The following DLGAP2 variants were observed in gnomAD, a reference collection of about 807,000 sequenced individuals.
DLGAP2 encodes disks large-associated protein 2.
A neutral mutation model predicts 100.3 loss-of-function variants in DLGAP2; 26 were observed. That is an observed-to-expected ratio of 0.26 (90% CI 0.19 to 0.36). DLGAP2 has a LOEUF of 0.36. DLGAP2 is among the 10% of genes least tolerant of loss of function. The pLI, the probability that DLGAP2 is intolerant of heterozygous loss-of-function variation, is 1.00. For synonymous variants in DLGAP2, 886 were observed against 630.1 expected (o/e 1.41, Z -6.08); for missense variants, 1,858 against 1,453.2 (o/e 1.28, Z -4.53).
At chr8:1,501,287 G>C in intron 3 of DLGAP2, 79 bp from the exon 4 acceptor site, 1 of 1,409,712 alleles carries the variant, frequency 7.1e-7, no homozygotes, top group Non-Finnish European at 9.7e-7. Context: ...GAGTGTGGAG[G>C]GTTTTGAAGA....
At chr8:757,110 C>T (rs1364511798) in intron 1 of DLGAP2, among the ~76,000 whole-genome samples, 3 of 152,186 alleles carry the variant, frequency 2.0e-5, no homozygotes, top group African/African-American at 7.2e-5. Context: ...CGTCATCAAC[C>T]CCCACCTCGT....
At chr8:1,490,334 C>T (rs373680500) in intron 3 of DLGAP2, among the ~76,000 whole-genome samples, 1 of 152,174 alleles carries the variant, frequency 6.6e-6, no homozygotes, top group Non-Finnish European at 1.5e-5. Flanking sequence ...TGAAAAGGCG[C>T]CTGTGGAGAA....
chr8:1,367,496 C>A (rs768702398), intron 3 of DLGAP2, among the ~76,000 whole-genome samples: 1 of 152,194 alleles, frequency 6.6e-6, no homozygotes, highest in Non-Finnish European at 1.5e-5. Flanking sequence ...GTGGAGCAGG[C>A]GGAATTCCAA....
chr8:946,513 T>C (rs1054399999), intron 2 of DLGAP2, among the ~76,000 whole-genome samples: 1 of 152,174 alleles, frequency 6.6e-6, no homozygotes, highest in Non-Finnish European at 1.5e-5. Flanking sequence ...TCTGCCCGCC[T>C]TGGCCTCCCA....
intron 1 of DLGAP2, among the ~76,000 whole-genome samples, chr8:773,669 A>G (rs1343356762): frequency 6.6e-6 from 1 of 151,904 alleles, no homozygotes; most frequent in Admixed American, 6.6e-5. Context: ...CCTACAAAGG[A>G]CATGAACTCA....
intron 2 of DLGAP2, among the ~76,000 whole-genome samples, chr8:979,641 C>A (rs1031613351): frequency 1.3e-5 from 2 of 152,184 alleles, no homozygotes; most frequent in Non-Finnish European, 2.9e-5. Context: ...ATGAGAACTG[C>A]CCTCTGAGCG....
At chr8:1,564,392 C>T (rs1357720423) in intron 5 of DLGAP2, among the ~76,000 whole-genome samples, 1 of 152,194 alleles carries the variant, frequency 6.6e-6, no homozygotes. Context: ...TTACCCTCCC[C>T]TCAGAGAGAC....
chr8:1,214,553 G>T (rs1447364189), intron 2 of DLGAP2, among the ~76,000 whole-genome samples: 2 of 152,228 alleles, frequency 1.3e-5, no homozygotes, highest in Non-Finnish European at 2.9e-5. Flanking sequence ...CCCAGGAGTG[G>T]AGTAACCTTC....
chr8:1,698,604 G>C (rs1270197751), intron 14 of DLGAP2, among the ~76,000 whole-genome samples: 1 of 149,942 alleles, frequency 6.7e-6, no homozygotes, highest in Non-Finnish European at 1.5e-5. Flanking sequence ...AGCCATGCTT[G>C]GGACAGGTCC....
intron 2 of DLGAP2, among the ~76,000 whole-genome samples, chr8:1,063,710 A>G (rs1239538792): frequency 6.6e-6 from 1 of 152,178 alleles, no homozygotes; most frequent in Non-Finnish European, 1.5e-5. Context: ...TTAAAATGTT[A>G]TACTCTGTAC....
chr8:877,359 T>A (rs1037825785), intron 1 of DLGAP2, among the ~76,000 whole-genome samples: 1 of 152,198 alleles, frequency 6.6e-6, no homozygotes, highest in South Asian at 2.1e-4. Flanking sequence ...CTAGACTCTC[T>A]GCCCTGTCCC....
intron 3 of DLGAP2, chr8:1,297,286 C>T (rs1313567617): frequency 6.6e-6 from 1 of 152,252 alleles, no homozygotes. Flanking sequence ...AAACGTACGT[C>T]AGAAAAACAT....
At chr8:1,469,140 G>A (rs1798711038) in intron 3 of DLGAP2, among the ~76,000 whole-genome samples, 1 of 152,190 alleles carries the variant, frequency 6.6e-6, no homozygotes, top group South Asian at 2.1e-4. Context: ...CAGCTGGGAT[G>A]TGAGCACCAG....
At chr8:824,330 C>T (rs954917455) in intron 1 of DLGAP2, among the ~76,000 whole-genome samples, 24 of 152,114 alleles carry the variant, frequency 1.6e-4, no homozygotes, top group African/African-American at 4.1e-4. Context: ...TTTGTCTCGG[C>T]GTCCCACAGT....
intron 2 of DLGAP2, among the ~76,000 whole-genome samples, chr8:1,139,605 C>G (rs988913223): frequency 3.9e-5 from 6 of 152,206 alleles, no homozygotes; most frequent in African/African-American, 1.4e-4. Context: ...TACAAACATT[C>G]AGTCCGTGGC....
At chr8:1,442,825 C>T (rs1332356214) in intron 3 of DLGAP2, among the ~76,000 whole-genome samples, 1 of 149,610 alleles carries the variant, frequency 6.7e-6, no homozygotes, top group Non-Finnish European at 1.5e-5. Context: ...CGGATCCAGG[C>T]ATAGACCCTC....
chr8:1,556,052 G>A (rs1183031897), intron 5 of DLGAP2, among the ~76,000 whole-genome samples: 2 of 152,232 alleles, frequency 1.3e-5, no homozygotes, highest in African/African-American at 2.4e-5. Context: ...AACTCAAGAT[G>A]GTCGTGGATG....
chr8:1,306,360 T>A (rs2117006965), intron 3 of DLGAP2, among the ~76,000 whole-genome samples: 1 of 152,058 alleles, frequency 6.6e-6, no homozygotes, highest in African/African-American at 2.4e-5. Flanking sequence ...AAACCCAAAA[T>A]TCTTAGAAAT....
In DLGAP2 at chr8:841,832, A is replaced by G. The variant is rs571390856; in HGVS notation, c.19-66080A>G. 5.9e-5 allele frequency among the ~76,000 whole-genome samples: 9 copies of G among 152,310 alleles called. No homozygotes were observed. In the South Asian group the frequency reaches 1.0e-3, roughly 18 times the overall value. ...TTAGGAATTTGGAATACTTTTTACTATGGCTATTTCATATCACATTTGTGT... is the reference window on the plus strand; with the variant it reads ...TTAGGAATTTGGAATACTTTTTACTGTGGCTATTTCATATCACATTTGTGT... On this transcript the variant is annotated intron_variant, in intron 1 of 14. Coordinates refer to ENST00000637795, the MANE Select transcript of DLGAP2 (RefSeq NM_001346810.2).
Sources: gnomAD v4.1 joint callset for allele counts (sites outside exome capture counted in the v4.1 genomes callset) on GRCh38, gnomAD v4.1.1 for gene constraint, MANE v1.5 for transcripts, NCBI Gene and HGNC (gene_info 2026-07-23, HGNC 2026-07-21) for gene names.